Variants in WLS observed in about 807,000 individuals in gnomAD.
WLS encodes protein wntless homolog.
Under a neutral mutation model 62.8 loss-of-function variants are expected in WLS, and 23 were observed. The observed-to-expected ratio is 0.37, with a 90% CI of 0.26 to 0.52. The LOEUF (loss-of-function observed/expected upper bound fraction) is 0.52. Among genes scored for constraint, WLS ranks in the 20% least tolerant of loss-of-function variants. The probability of loss-of-function intolerance (pLI) is 0.92; values close to 1 mark genes in which losing one functional copy is unlikely to be tolerated. For synonymous variants in WLS, 246 were observed against 244.1 expected (o/e 1.01, Z -0.07); for missense variants, 615 against 697.3 (o/e 0.88, Z 1.33).
chr1:68,193,926 G>A, intron 2 of WLS, 29 bp downstream of exon 2: 1 of 1,598,600 alleles, frequency 6.3e-7, no homozygotes, highest in Non-Finnish European at 8.5e-7. Flanking sequence ...TCAAAGGGAA[G>A]AAAGGGATGA....
At chr1:68,143,504 T>G (rs1343251994) in intron 10 of WLS, among the ~76,000 whole-genome samples, 1 of 152,226 alleles carries the variant, frequency 6.6e-6, no homozygotes, top group East Asian at 1.9e-4. Flanking sequence ...TCCTGTAAGA[T>G]TATAATATCA....
chr1:68,142,722 A>AT (rs1646702032), intron 10 of WLS: 1 of 152,098 alleles, frequency 6.6e-6, no homozygotes. Context: ...GTATCAGTTT[A>AT]TTTTTTCCAC....
chr1:68,142,998 A>G (rs2100442444), intron 10 of WLS: 1 of 152,350 alleles, frequency 6.6e-6, no homozygotes, highest in Non-Finnish European at 1.5e-5. Context: ...ATATTTTCAC[A>G]TCAATTACAG....
intron 11 of WLS, among the ~76,000 whole-genome samples, chr1:68,132,600 G>A (rs989118363): frequency 1.1e-4 from 17 of 152,152 alleles, no homozygotes; most frequent in African/African-American, 4.1e-4. Context: ...CAGTGTTGCC[G>A]CTTTTGCTCC....
downstream of WLS, chr1:68,125,332 C>T: frequency 1.0e-6 from 1 of 985,400 alleles, no homozygotes; most frequent in Non-Finnish European, 1.2e-6. Context: ...CTAGGTTCAA[C>T]CTGGAAAATA....
chr1:68,122,817 C>A (rs563272323), downstream of WLS, among the ~76,000 whole-genome samples: 5 of 152,274 alleles, frequency 3.3e-5, no homozygotes, highest in South Asian at 8.3e-4. Flanking sequence ...AGTGAAACTC[C>A]AACACCCACT....
At chr1:68,162,829 G>T in intron 2 of WLS, 1 of 1,301,050 alleles carries the variant, frequency 7.7e-7, no homozygotes, top group Non-Finnish European at 1.1e-6. Context: ...GTCCTCCCTG[G>T]TGAGGATGAT....
chr1:68,150,179 G>T lies in WLS; in HGVS notation c.972+9C>A. The T allele has an allele frequency of 6.2e-7, 1 of 1,613,506 alleles. No homozygotes were observed. The highest frequency in any genetic ancestry group is 8.5e-7 in the Non-Finnish European group (1 of 1,179,692). On this transcript the variant is annotated intron_variant, in intron 6 of 11. Coordinates refer to ENST00000262348, the MANE Select transcript of WLS (RefSeq NM_024911.7). ...GGTACAGACGTCTGTCCCTCCCGGCGGCTCTTACCATCATGTGCTCGCCAC... is the reference window on the plus strand; with the variant it reads ...GGTACAGACGTCTGTCCCTCCCGGCTGCTCTTACCATCATGTGCTCGCCAC...
intron 2 of WLS, among the ~76,000 whole-genome samples, chr1:68,193,416 A>G (rs962771347): frequency 9.8e-5 from 11 of 112,650 alleles, no homozygotes; most frequent in African/African-American, 4.8e-4. Context: ...AAAAAAAAAA[A>G]AAAAAAAAAA....
intron 1 of WLS, among the ~76,000 whole-genome samples, chr1:68,217,288 A>C (rs769028565): frequency 6.6e-5 from 10 of 152,296 alleles, no homozygotes; most frequent in Non-Finnish European, 1.0e-4. Context: ...ATGTGGTGTT[A>C]ACTTCTCCCA....
chr1:68,153,819 C>T (rs1475571349), intron 4 of WLS, among the ~76,000 whole-genome samples, 166 bp from the exon 5 acceptor site: 1 of 152,162 alleles, frequency 6.6e-6, no homozygotes, highest in South Asian at 2.1e-4. Flanking sequence ...CCCTTGGACT[C>T]TCCTCAGAGA....
intron 1 of WLS, among the ~76,000 whole-genome samples, chr1:68,218,445 C>G (rs1649820970): frequency 6.6e-6 from 1 of 152,102 alleles, no homozygotes; most frequent in Non-Finnish European, 1.5e-5. Flanking sequence ...CAGGCAAAGA[C>G]CTTTTATGCC....
rs74866926 is a variant in WLS, at chr1:68,210,199, C to T, written c.107-15972G>A. Among the ~76,000 whole-genome samples, 1,340 of 152,278 alleles carry T rather than the reference C, an allele frequency of 8.8e-3. 59 individuals are homozygous for T. In the East Asian group the frequency reaches 0.14, roughly 16 times the overall value. On this transcript the variant is annotated intron_variant, in intron 1 of 11. Transcript: ENST00000262348. ...TTTAAGTAGAAACAACAAACAGTAG[C>T]TGGTTGCCATGGTAGCAGAGGTAAA...
At chr1:68,174,536 TG>T (rs1421652586) in intron 2 of WLS, among the ~76,000 whole-genome samples, 2 of 152,110 alleles carry the variant, frequency 1.3e-5, no homozygotes, top group Non-Finnish European at 2.9e-5. Flanking sequence ...TGTGAGAGAA[TG>T]GGAAGCATAA....
rs150131585 is a variant in WLS at position 68,194,107 on chromosome 1, T to C, written c.227A>G (p.Asp76Gly). Residue 76 changes from aspartate (D) to glycine (G), a missense_variant, in exon 2 of 12, where the codon GAC becomes GGC. Asp to Gly is a moderately conservative substitution (Grantham distance 94). Coordinates refer to ENST00000262348, the MANE Select transcript of WLS (RefSeq NM_024911.7). ...WGPNHCDKIR[D>G]IEEAIPREIE... ...TTCCCTTGGAATTGCCTCTTCAATG[T>C]CTCGGATCTTGTCACAATGATTGGG... The C allele has an allele frequency of 4.3e-5, 69 of 1,614,196 alleles. No individual in the cohort carries two copies. In the East Asian group the frequency reaches 1.4e-3, roughly 33 times the overall value.
At chr1:68,118,581 T>C (rs1052224631) in intron 11 of WLS, among the ~76,000 whole-genome samples, 5 of 152,126 alleles carry the variant, frequency 3.3e-5, no homozygotes, top group African/African-American at 9.7e-5. Context: ...ATGCTTACAA[T>C]AGCACCTGGC....
chr1:68,191,832 ACCT>A (rs1648323816), intron 2 of WLS, among the ~76,000 whole-genome samples: 1 of 151,712 alleles, frequency 6.6e-6, no homozygotes, highest in Non-Finnish European at 1.5e-5. Context: ...GCTCATCCTC[ACCT>A]CCTCACCAGG....
rs1646632682 is a variant in WLS, at chr1:68,137,850, A to T, written c.1446T>A (p.Asn482Lys). ...AGAACATCAGAGCAAAGACATACAG[A>T]TTCCACATCCCATAGATGCCTGTGA... Reference protein sequence around the residue: ...AFFTGIYGMWNLYVFALMFLY... With the variant: ...AFFTGIYGMWKLYVFALMFLY... Residue 482 changes from asparagine to lysine, a missense_variant, in exon 11 of 12, where the codon AAT becomes AAA. Transcript: ENST00000262348. 1 of 1,613,904 alleles carries T rather than the reference A, an allele frequency of 6.2e-7. No individual in the cohort carries two copies. The highest frequency in any genetic ancestry group is 1.7e-5 in the Admixed American group (1 of 59,994).
chr1:68,194,550 G>C (rs1648557417), intron 1 of WLS, among the ~76,000 whole-genome samples: 1 of 152,198 alleles, frequency 6.6e-6, no homozygotes, highest in African/African-American at 2.4e-5. Flanking sequence ...ACCTGATTGA[G>C]GTCTTGGAGA....
Sources: allele counts gnomAD v4.1 joint callset (sites outside exome capture counted in the v4.1 genomes callset), GRCh38; gene constraint gnomAD v4.1.1; transcripts MANE v1.5; gene names NCBI Gene and HGNC (gene_info 2026-07-23, HGNC 2026-07-21).